TCAIM: variants seen among roughly 807,000 people sequenced by gnomAD.
TCAIM encodes the protein T-cell activation inhibitor, mitochondrial.
TCAIM carries 36 observed loss-of-function variants against 58.6 expected under a neutral mutation model. The ratio of observed to expected loss-of-function variants is 0.61; its 90% CI spans 0.47 to 0.81. The LOEUF (loss-of-function observed/expected upper bound fraction) is 0.81, where lower values mean the gene tolerates loss of function less well. TCAIM is among the 30% of genes least tolerant of loss of function. The probability of loss-of-function intolerance (pLI) is 0.00; values close to 1 mark genes in which losing one functional copy is unlikely to be tolerated. For synonymous variants in TCAIM, 172 were observed against 193.6 expected, an observed-to-expected ratio of 0.89 and a Z score of 0.93; for missense variants, 466 against 579.6, an observed-to-expected ratio of 0.80 and a Z score of 2.01.
intron 4 of TCAIM, among the ~76,000 whole-genome samples, 169 bp downstream of exon 4, chr3:44,361,687 G>C (rs552392509): frequency 3.3e-5 from 5 of 152,064 alleles, no homozygotes; most frequent in Non-Finnish European, 7.4e-5. Flanking sequence ...GCATATGTTC[G>C]AACAAGTGAT....
chr3:44,351,180 G>C (rs954818032), intron 1 of TCAIM, among the ~76,000 whole-genome samples: 1 of 152,038 alleles, frequency 6.6e-6, no homozygotes, highest in Non-Finnish European at 1.5e-5. Context: ...GCAGAGACAG[G>C]GTTTCTCCAT....
At chr3:44,401,054 A>ATTT (rs1211472376) in intron 9 of TCAIM, 149 bp from the exon 10 acceptor site, 1 of 1,156,026 alleles carries the variant, frequency 8.7e-7, no homozygotes, top group African/African-American at 1.6e-5. Flanking sequence ...CTTTGGGGGC[A>ATTT]GCAAAGCTTT....
chr3:44,367,701 A>G lies in TCAIM; in HGVS notation c.565A>G (p.Thr189Ala), dbSNP rs774387281. ...TGAACAAGTCTCGAGAGTGGAAACAACTCTCACGTATGTAAAAGTTTTTAT... is the reference window on the plus strand; with the variant it reads ...TGAACAAGTCTCGAGAGTGGAAACAGCTCTCACGTATGTAAAAGTTTTTAT... ...DLEQVSRVETTLTSWLDNNGK... is the reference protein window; with the variant it reads ...DLEQVSRVETALTSWLDNNGK... Residue 189 changes from threonine to alanine, a missense_variant, in exon 5 of 11, where the codon ACT (threonine) becomes GCT (alanine). Coordinates refer to ENST00000342649, the MANE Select transcript of TCAIM (RefSeq NM_173826.4). The G allele has an allele frequency of 3.7e-6, 6 of 1,605,196 alleles. No homozygotes were observed. The highest frequency in any genetic ancestry group is 3.4e-6 in the Non-Finnish European group (4 of 1,174,000).
intron 3 of TCAIM, among the ~76,000 whole-genome samples, chr3:44,360,612 A>AT (rs1336419017): frequency 7.1e-6 from 1 of 140,804 alleles, no homozygotes; most frequent in Non-Finnish European, 1.6e-5. Flanking sequence ...TTTTTTTTTA[A>AT]TTTTTTTGGA....
Position 44,407,595 on chromosome 3 carries a change from C to T in TCAIM, c.1404C>T (p.His468=), listed in dbSNP as rs768559383. 3.1e-6 allele frequency: 5 copies of T among 1,613,894 alleles called. No individual in the cohort carries two copies. Among genetic ancestry groups the T allele is most frequent in the Non-Finnish European group, 2.5e-6 (3 of 1,179,916 alleles). The change falls in exon 11 of 11, where the codon CAC becomes CAT. Residue 468 remains histidine (H), a synonymous_variant. Coordinates refer to ENST00000342649, the MANE Select transcript of TCAIM (RefSeq NM_173826.4). ...CACTGCCTTACCTACATGGGATGCA[C>T]CTCTGCATTTCACATTTTTACTCTG... is the stretch of plus-strand genomic sequence containing the variant. ...EQSLPYLHGM[H]LCISHFYSVM...
rs1701161093 is a variant in TCAIM, at chr3:44,354,834, T to C, written c.29+23T>C. 3 of 1,607,332 alleles carry C rather than the reference T, an allele frequency of 1.9e-6. No individual in the cohort carries two copies. In the African/African-American group the frequency reaches 4.0e-5, roughly 22 times the overall value. On this transcript the variant is annotated intron_variant, in intron 2 of 10. Coordinates refer to ENST00000342649, the MANE Select transcript of TCAIM (RefSeq NM_173826.4). ...GAGGTAAGCATCATGGTCCAATCTG[T>C]AATTAGTATTGTGGCGGGGGGAGGT...
intron 1 of TCAIM, among the ~76,000 whole-genome samples, chr3:44,345,119 C>T (rs1054811749): frequency 8.6e-5 from 13 of 151,878 alleles, no homozygotes. Context: ...AGATAATGGG[C>T]GACGTTTCTC....
At chr3:44,358,201 CTT>C (rs760124398) in intron 3 of TCAIM, 179 of 1,222,922 alleles carry the variant, frequency 1.5e-4, no homozygotes, top group Admixed American at 5.1e-4. Flanking sequence ...ATCTCTCTCT[CTT>C]TTTTTTTTTT....
At chr3:44,374,389 T>C (rs1701532054) in intron 5 of TCAIM, among the ~76,000 whole-genome samples, 1 of 152,022 alleles carries the variant, frequency 6.6e-6, no homozygotes, top group Non-Finnish European at 1.5e-5. Flanking sequence ...TACACATAAA[T>C]ACAGGTGTGT....
intron 5 of TCAIM, among the ~76,000 whole-genome samples, chr3:44,376,826 C>T (rs1360201877): frequency 2.0e-5 from 3 of 152,212 alleles, no homozygotes; most frequent in East Asian, 1.9e-4. Context: ...AGGTGGCTCA[C>T]GCCTGTAATC....
chr3:44,392,746 T>C (rs1192433085), intron 5 of TCAIM, 109 bp from the exon 6 acceptor site: 7 of 1,061,390 alleles, frequency 6.6e-6, no homozygotes, highest in Non-Finnish European at 9.4e-6. Context: ...TTTAGGTTGA[T>C]TCCAAGTCTT....
intron 5 of TCAIM, among the ~76,000 whole-genome samples, chr3:44,380,957 A>G (rs1701646177): frequency 6.6e-6 from 1 of 152,210 alleles, no homozygotes; most frequent in Non-Finnish European, 1.5e-5. Context: ...AGCACAAAGA[A>G]ATAGAAAATG....
chr3:44,401,116 ATTTTCC>A, intron 9 of TCAIM, 81 bp from the exon 10 acceptor site: 1 of 1,517,626 alleles, frequency 6.6e-7, no homozygotes, highest in Admixed American at 2.2e-5. Flanking sequence ...ATTTTTTTTT[ATTTTCC>A]TGAAGACTAA....
chr3:44,378,655 C>T (rs1575262573), intron 5 of TCAIM, among the ~76,000 whole-genome samples: 1 of 151,488 alleles, frequency 6.6e-6, no homozygotes. Context: ...CCTAAAAATA[C>T]AAAAAATTAG....
At chr3:44,344,402 T>C (rs924933640) in intron 1 of TCAIM, among the ~76,000 whole-genome samples, 1 of 152,180 alleles carries the variant, frequency 6.6e-6, no homozygotes, top group Non-Finnish European at 1.5e-5. Flanking sequence ...ACTATCTTAG[T>C]CTTCAGCTGC....
chr3:44,379,269 G>A (rs1392757281), intron 5 of TCAIM, among the ~76,000 whole-genome samples: 5 of 152,070 alleles, frequency 3.3e-5, no homozygotes, highest in African/African-American at 1.2e-4. Flanking sequence ...ATTTAGTGTT[G>A]GTAAGAGTGT....
chr3:44,395,935 C>G (rs4130227), intron 6 of TCAIM, among the ~76,000 whole-genome samples: 2 of 152,046 alleles, frequency 1.3e-5, no homozygotes, highest in Non-Finnish European at 2.9e-5. Context: ...TGCAGTGAGC[C>G]GTGATTACAC....
At chr3:44,382,822 A>C (rs1469655120) in intron 5 of TCAIM, among the ~76,000 whole-genome samples, 9 of 152,176 alleles carry the variant, frequency 5.9e-5, no homozygotes, top group Non-Finnish European at 4.4e-5. Context: ...AATGAGAGAA[A>C]ATGTTTGCAA....
chr3:44,338,644 G>A (rs1700774469), upstream of TCAIM: 1 of 152,504 alleles, frequency 6.6e-6, no homozygotes, highest in South Asian at 2.1e-4. Context: ...GTCAAAGCCT[G>A]TCGCCCACCG....
Sources: gnomAD v4.1 joint callset for allele counts (sites outside exome capture counted in the v4.1 genomes callset) on GRCh38, gnomAD v4.1.1 for gene constraint, MANE v1.5 for transcripts, NCBI Gene and HGNC (gene_info 2026-07-23, HGNC 2026-07-21) for gene names.